XPNPEP1: variants seen among roughly 807,000 people sequenced by gnomAD.
The protein encoded by XPNPEP1 is X-prolyl aminopeptidase 1.
XPNPEP1 carries 39 observed loss-of-function variants against 92.4 expected under a neutral mutation model. The ratio of observed to expected loss-of-function variants is 0.42; its 90% CI spans 0.33 to 0.55. The LOEUF is 0.55. Ranked by LOEUF, XPNPEP1 falls within the 20% of genes least tolerant of loss-of-function variation. The pLI is 0.08. For synonymous variants in XPNPEP1, 307 were observed against 299.4 expected (o/e 1.03, Z -0.26); for missense variants, 654 against 856.1 (o/e 0.76, Z 2.95).
intron 1 of XPNPEP1, among the ~76,000 whole-genome samples, chr10:109,917,300 A>C (rs1850247528): frequency 6.6e-6 from 1 of 152,260 alleles, no homozygotes; most frequent in Admixed American, 6.5e-5. Context: ...GGATACAAAA[A>C]TCAATATTTA....
chr10:109,897,328 A>G (rs1426083036), intron 3 of XPNPEP1, among the ~76,000 whole-genome samples: 1 of 152,016 alleles, frequency 6.6e-6, no homozygotes, highest in Admixed American at 6.6e-5. Flanking sequence ...TTTTCCATGA[A>G]GCTTCCTGAC....
At chr10:109,882,400 G>C (rs763173357) in intron 10 of XPNPEP1, 32 bp downstream of exon 10, 29 of 1,597,266 alleles carry the variant, frequency 1.8e-5, no homozygotes. Context: ...GGGGGTGGCA[G>C]AGTTTAGATG....
chr10:109,907,496 A>C (rs1716347414), intron 3 of XPNPEP1, among the ~76,000 whole-genome samples, 195 bp downstream of exon 3: 1 of 152,224 alleles, frequency 6.6e-6, no homozygotes, highest in South Asian at 2.1e-4. Context: ...AAGATGGCTA[A>C]GTCACTGGAA....
intron 1 of XPNPEP1, among the ~76,000 whole-genome samples, chr10:109,918,647 G>A (rs1461797383): frequency 6.6e-6 from 1 of 151,970 alleles, no homozygotes; most frequent in Non-Finnish European, 1.5e-5. Context: ...TGTAGTCCCA[G>A]CTACTCGGAA....
chr10:109,886,347 A>T lies in XPNPEP1; in HGVS notation c.653-6T>A, dbSNP rs781150160. 1 of 1,613,800 alleles carries T rather than the reference A, an allele frequency of 6.2e-7. No homozygotes were observed. The highest frequency in any genetic ancestry group is 1.1e-5 in the South Asian group (1 of 90,960). The stretch of plus-strand genomic sequence containing the variant: ...CTTGTCCTTCCAGGAGATGCCTGCA[A>T]GAAACAAATGTGCTTTAACTCCAGC... On this transcript the variant is annotated splice_region_variant and splice_polypyrimidine_tract_variant and intron_variant, in intron 7 of 20. Transcript: ENST00000502935.
chr10:109,882,597 C>T lies in XPNPEP1; in HGVS notation c.876G>A (p.Glu292=). Residue 292 remains glutamate (E), a synonymous_variant, in exon 10 of 21, where the codon GAG becomes GAA. Coordinates refer to ENST00000502935, the MANE Select transcript of XPNPEP1 (RefSeq NM_020383.4). ...CCAGACCCAAGTCAAGAAGCAGGTG[C>T]TCCTTCACACTGGGGGCGTCTATGC... ...GDRIDAPSVK[E]HLLLDLGLEA... 1.9e-6 allele frequency: 3 copies of T among 1,614,174 alleles called. No individual in the cohort carries two copies. The highest frequency in any genetic ancestry group is 2.5e-6 in the Non-Finnish European group (3 of 1,180,022).
At chr10:109,866,973 T>C (rs1847179726) in intron 20 of XPNPEP1, among the ~76,000 whole-genome samples, 1 of 152,236 alleles carries the variant, frequency 6.6e-6, no homozygotes. Flanking sequence ...AACTTCCTCA[T>C]ATACTACTTC....
chr10:109,914,126 G>A lies in XPNPEP1; in HGVS notation c.121+885C>T, dbSNP rs60062058. ...ACATGGTTCTCCTTAGTAGTCGTTA[G>A]AGCAGTACTGGCTTACTGGGATAGA... is the stretch of plus-strand genomic sequence containing the variant. On this transcript the variant is annotated intron_variant, in intron 2 of 20. Transcript: ENST00000502935. Among the ~76,000 whole-genome samples the A allele has an allele frequency of 6.8e-3, 1,038 of 151,708 alleles. 10 individuals carry two copies. Among genetic ancestry groups the A allele is most frequent in the African/African-American group, 0.024 (981 of 41,368 alleles).
At chr10:109,868,507 G>C in intron 20 of XPNPEP1, 107 bp downstream of exon 20, 1 of 1,036,228 alleles carries the variant, frequency 9.7e-7, no homozygotes. Context: ...AAATTACAAA[G>C]TGAGACTGGA....
chr10:109,896,409 G>A (rs1848993427), intron 3 of XPNPEP1, among the ~76,000 whole-genome samples: 1 of 147,810 alleles, frequency 6.8e-6, no homozygotes, highest in Non-Finnish European at 1.5e-5. Context: ...CTTCTCAATA[G>A]CTGGGACTAC....
At position 109,864,874 on chromosome 10, in the gene XPNPEP1, C is replaced by T; in HGVS notation, c.*310G>A. ...GAACATGACCATCATGGAGCACTCA[C>T]TGATTCCCCATCACTGGCCAAAGAA... On this transcript the variant is annotated 3_prime_UTR_variant, in exon 21 of 21. Transcript: ENST00000502935. 8.1e-6 allele frequency: 3 copies of T among 371,630 alleles called. No individual in the cohort carries two copies. The highest frequency in any genetic ancestry group is 7.8e-5 in the South Asian group (3 of 38,308). The allele number at this position is 371,630 out of a possible 1,614,324, so 23.0% of individuals were successfully genotyped here. A position where few individuals can be genotyped will look rare whatever the true frequency, so the allele number is the denominator to read the frequency against.
At chr10:109,891,691 C>A in intron 5 of XPNPEP1, 31 bp downstream of exon 5, 1 of 1,523,834 alleles carries the variant, frequency 6.6e-7, no homozygotes, top group Non-Finnish European at 8.8e-7. Flanking sequence ...ATCAGGCCAA[C>A]TAAGTTTGGG....
In XPNPEP1 at chr10:109,878,015, G is replaced by C. The variant is rs1259411945; in HGVS notation, c.1226C>G (p.Ala409Gly). Residue 409 changes from alanine to glycine, a missense_variant, in exon 13 of 21, where the codon GCT becomes GGT. Transcript: ENST00000502935. ...GVTEISAADK[A>G]EEFRRQQADF... ...GGATCCTTACCTGCGAAACTCCTCA[G>C]CTTTGTCAGCAGCTGAGATCTCTGT... 1 of 1,614,108 alleles carries C rather than the reference G, an allele frequency of 6.2e-7. No individual in the cohort carries two copies. Among genetic ancestry groups the C allele is most frequent in the Non-Finnish European group, 8.5e-7 (1 of 1,180,050 alleles).
chr10:109,923,331 T>G, intron 1 of XPNPEP1, 71 bp downstream of exon 1: 2 of 1,372,676 alleles, frequency 1.5e-6, no homozygotes, highest in Non-Finnish European at 1.9e-6. Context: ...CCCGCCGAGG[T>G]GCAACACGCG....
chr10:109,878,225 C>A, intron 12 of XPNPEP1, 167 bp from the exon 13 acceptor site: 1 of 651,166 alleles, frequency 1.5e-6, no homozygotes, highest in Non-Finnish European at 2.6e-6. Context: ...AGGCTCTCAC[C>A]AAAGCTATCT....
At chr10:109,881,749 C>A (rs973846332) in intron 10 of XPNPEP1, among the ~76,000 whole-genome samples, 2 of 152,196 alleles carry the variant, frequency 1.3e-5, no homozygotes, top group Non-Finnish European at 2.9e-5. Context: ...GAAAAGCCTA[C>A]CTCTAAAGAG....
intron 7 of XPNPEP1, 134 bp downstream of exon 7, chr10:109,887,915 A>T: frequency 1.6e-6 from 2 of 1,255,268 alleles, no homozygotes; most frequent in Non-Finnish European, 2.1e-6. Flanking sequence ...CAAATATCCC[A>T]CTGGGGCAGA....
In XPNPEP1 at chr10:109,877,981, C is replaced by T. The variant is rs1455046017; in HGVS notation, c.1241+19G>A. On this transcript the variant is annotated intron_variant, in intron 13 of 20. Coordinates refer to ENST00000502935, the MANE Select transcript of XPNPEP1 (RefSeq NM_020383.4). ...AAAATCAGCACGAGGCTCCTGGGTC[C>T]CCCCAAATGGATCCTTACCTGCGAA... 2 of 1,614,074 alleles carry T rather than the reference C, an allele frequency of 1.2e-6. No individual in the cohort carries two copies. Among genetic ancestry groups the T allele is most frequent in the Non-Finnish European group, 1.7e-6 (2 of 1,180,038 alleles).
chr10:109,883,250 GCT>G (rs1240543929), intron 9 of XPNPEP1, among the ~76,000 whole-genome samples: 1 of 152,066 alleles, frequency 6.6e-6, no homozygotes, highest in South Asian at 2.1e-4. Context: ...CATGCACTGT[GCT>G]CTCTACTGTC....
Sources: gnomAD v4.1 joint callset for allele counts (sites outside exome capture counted in the v4.1 genomes callset) on GRCh38, gnomAD v4.1.1 for gene constraint, MANE v1.5 for transcripts, NCBI Gene and HGNC (gene_info 2026-07-23, HGNC 2026-07-21) for gene names.